The following NEBL variants were observed in gnomAD, a reference collection of about 807,000 sequenced individuals.
NEBL encodes the protein nebulette.
NEBL carries 122 observed loss-of-function variants against 140.2 expected under a neutral mutation model. That is an observed-to-expected ratio of 0.87 (90% CI 0.75 to 1.01). The LOEUF (loss-of-function observed/expected upper bound fraction) is 1.01. NEBL is among the 50% of genes least tolerant of loss of function. NEBL has a pLI of 0.00. For missense variants in NEBL, 1,365 were observed against 1,231.3 expected (o/e 1.11, Z -1.62); for synonymous variants, 436 against 398.9 (o/e 1.09, Z -1.11).
chr10:21,245,152 A>G (rs1394326252), intron 3 of NEBL, among the ~76,000 whole-genome samples: 1 of 152,182 alleles, frequency 6.6e-6, no homozygotes, highest in Non-Finnish European at 1.5e-5. Flanking sequence ...CAACGGAGCA[A>G]GACTCTTTCT....
At chr10:21,134,189 G>A (rs946741615) in intron 2 of NEBL, among the ~76,000 whole-genome samples, 1 of 151,276 alleles carries the variant, frequency 6.6e-6, no homozygotes, top group Admixed American at 6.6e-5. Flanking sequence ...TTGTGCCATT[G>A]CACTCCAGCC....
At chr10:21,053,293 A>C (rs967801269) in intron 2 of NEBL, among the ~76,000 whole-genome samples, 1 of 152,178 alleles carries the variant, frequency 6.6e-6, no homozygotes, top group Admixed American at 6.5e-5. Flanking sequence ...TAATTAAGTG[A>C]TGTTAAGCAG....
intron 4 of NEBL, among the ~76,000 whole-genome samples, chr10:20,956,225 T>A (rs1005697216): frequency 2.6e-5 from 4 of 152,226 alleles, no homozygotes; most frequent in African/African-American, 9.6e-5. Context: ...AAAGTATAAG[T>A]AATCCTTATA....
chr10:20,795,646 C>T (rs777335463), intron 26 of NEBL, among the ~76,000 whole-genome samples: 6 of 151,998 alleles, frequency 3.9e-5, no homozygotes, highest in Non-Finnish European at 7.4e-5. Context: ...AATATTTAGT[C>T]GCCTTATCTT....
In NEBL at chr10:20,783,383, C is replaced by T. The variant is rs966288311; in HGVS notation, c.*2364G>A. The T allele has an allele frequency of 6.6e-6, 1 of 152,118 alleles. No homozygotes were observed. The highest frequency in any genetic ancestry group is 1.5e-5 in the Non-Finnish European group (1 of 68,024). 9.4% of individuals were successfully genotyped at this position (152,118 alleles called of 1,614,324 possible). ...CCCTTTAGTTAAATTCTGATCAGAT[C>T]TTAATTCCTAAAGGCTTGAAGCAGA... On this transcript the variant is annotated 3_prime_UTR_variant, in exon 28 of 28. Transcript: ENST00000377122.
intron 3 of NEBL, among the ~76,000 whole-genome samples, chr10:21,017,396 G>A (rs182451136): frequency 2.6e-5 from 4 of 152,136 alleles, no homozygotes; most frequent in South Asian, 2.1e-4. Context: ...TAAAGAACAC[G>A]ACATTTGAGC....
chr10:21,164,577 T>C (rs752906062), intron 2 of NEBL, among the ~76,000 whole-genome samples: 1 of 152,240 alleles, frequency 6.6e-6, no homozygotes, highest in Non-Finnish European at 1.5e-5. Flanking sequence ...CATCATTCCA[T>C]AATAAATACA....
At chr10:21,176,425 A>C (rs1393877754), upstream of NEBL, among the ~76,000 whole-genome samples, 4 of 152,236 alleles carry the variant, frequency 2.6e-5, no homozygotes, top group Non-Finnish European at 5.9e-5. Flanking sequence ...GAAGCGATAC[A>C]TGCTCAGAGT....
intron 27 of NEBL, among the ~76,000 whole-genome samples, chr10:20,786,806 A>C (rs992436836): frequency 1.3e-5 from 2 of 152,248 alleles, no homozygotes; most frequent in African/African-American, 4.8e-5. Flanking sequence ...GGGGGATTTG[A>C]AGATATATTT....
intron 26 of NEBL, among the ~76,000 whole-genome samples, chr10:20,799,472 A>G (rs1410617886): frequency 1.3e-5 from 2 of 152,328 alleles, no homozygotes; most frequent in East Asian, 3.9e-4. Context: ...TATTTCAATC[A>G]TCAATTCTTC....
intron 3 of NEBL, among the ~76,000 whole-genome samples, chr10:21,012,049 G>A (rs1484007092): frequency 2.0e-5 from 3 of 152,194 alleles, no homozygotes; most frequent in African/African-American, 7.2e-5. Context: ...TTGTGGGGTG[G>A]TTTTCTCTGC....
chr10:20,805,288 T>C lies in NEBL; in HGVS notation c.2761+3222A>G, dbSNP rs61187380. On this transcript the variant is annotated intron_variant, in intron 26 of 27. Transcript: ENST00000377122. ...TATATGTCACTAATCATTTGAATAC[T>C]GACATCAGGTGCCAATTGGTAGAAT... is the stretch of plus-strand genomic sequence containing the variant. Among the ~76,000 whole-genome samples the C allele has an allele frequency of 6.4e-3, 978 of 152,330 alleles. 15 individuals carry two copies. Among genetic ancestry groups the C allele is most frequent in the East Asian group, 0.064 (332 of 5,186 alleles).
At chr10:21,202,413 C>T (rs1841751945) in intron 3 of NEBL, among the ~76,000 whole-genome samples, 1 of 151,086 alleles carries the variant, frequency 6.6e-6, no homozygotes, top group African/African-American at 2.4e-5. Flanking sequence ...CTGATAGAAG[C>T]TTGGACAGAA....
chr10:21,167,569 C>T (rs1840834318), intron 2 of NEBL, among the ~76,000 whole-genome samples: 2 of 152,188 alleles, frequency 1.3e-5, no homozygotes, highest in Non-Finnish European at 2.9e-5. Flanking sequence ...AATGCTACTT[C>T]TAAGTGGTAA....
At chr10:21,066,221 C>A (rs1016886845) in intron 2 of NEBL, among the ~76,000 whole-genome samples, 1 of 152,134 alleles carries the variant, frequency 6.6e-6, no homozygotes, top group Admixed American at 6.5e-5. Context: ...CTTCTTAAAG[C>A]TGTTCAATTT....
chr10:21,007,981 CTGTT>C (rs1218485489), intron 3 of NEBL, among the ~76,000 whole-genome samples: 4 of 152,184 alleles, frequency 2.6e-5, no homozygotes, highest in Non-Finnish European at 5.9e-5. Flanking sequence ...AATAAGGTGA[CTGTT>C]AGAGTGTCCA....
At position 20,888,096 on chromosome 10, in the gene NEBL, C is replaced by T. The variant is rs368105518; in HGVS notation, c.369+1G>A. 11 of 1,591,624 alleles carry T rather than the reference C, an allele frequency of 6.9e-6. No homozygotes were observed. Among genetic ancestry groups the T allele is most frequent in the East Asian group, 2.2e-5 (1 of 44,762 alleles). On this transcript the variant is annotated splice_donor_variant, in intron 4 of 27. Transcript: ENST00000377122. LOFTEE classifies it high-confidence loss of function. ...CATGAAACACTTTAGAAAAACCCTA[C>T]CTCACTCTGGAGCTGTGTAACTTCT...
chr10:21,125,697 C>T (rs1838790855), intron 2 of NEBL: 3 of 682,910 alleles, frequency 4.4e-6, no homozygotes, highest in Non-Finnish European at 5.2e-6. Context: ...ACTCCTTCCT[C>T]CCTGCACCCT....
At chr10:21,087,558 C>T (rs879865452) in intron 2 of NEBL, among the ~76,000 whole-genome samples, 1 of 152,172 alleles carries the variant, frequency 6.6e-6, no homozygotes, top group Non-Finnish European at 1.5e-5. Context: ...TAATTGGCAG[C>T]CTTTAATCTG....
Sources: allele counts gnomAD v4.1 joint callset (sites outside exome capture counted in the v4.1 genomes callset), GRCh38; gene constraint gnomAD v4.1.1; transcripts MANE v1.5; gene names NCBI Gene and HGNC (gene_info 2026-07-23, HGNC 2026-07-21).